ANKS1B: variants seen among roughly 807,000 people sequenced by gnomAD.
The protein encoded by ANKS1B is ankyrin repeat and sterile alpha motif domain containing 1B, also known as ankyrin repeat and sterile alpha motif domain-containing protein 1B.
In ANKS1B, 36 loss-of-function variants were observed where a neutral mutation model predicts 148.3. The ratio of observed to expected loss-of-function variants is 0.24; its 90% CI spans 0.19 to 0.32. The LOEUF is 0.32. ANKS1B is among the 10% of genes least tolerant of loss of function. ANKS1B has a pLI of 1.00. For synonymous variants in ANKS1B, 542 were observed against 560.8 expected (o/e 0.97, Z 0.47); for missense variants, 1,157 against 1,542.6 (o/e 0.75, Z 4.19).
chr12:98,848,743 G>GGTTTTTTT (rs2099500216), intron 17 of ANKS1B, among the ~76,000 whole-genome samples: 1 of 48,090 alleles, frequency 2.1e-5, no homozygotes, highest in Non-Finnish European at 3.5e-5. Context: ...TGTATGTGTG[G>GGTTTTTTT]TTTTTTTTTT....
At chr12:99,790,869 CA>C (rs1201438145) in intron 4 of ANKS1B, among the ~76,000 whole-genome samples, 1 of 150,972 alleles carries the variant, frequency 6.6e-6, no homozygotes, top group Non-Finnish European at 1.5e-5. Flanking sequence ...AGCAGACCGC[CA>C]AAAAAAGAGA....
chr12:99,511,730 A>T (rs2096768071), intron 9 of ANKS1B, among the ~76,000 whole-genome samples: 1 of 152,042 alleles, frequency 6.6e-6, no homozygotes, highest in Admixed American at 6.6e-5. Flanking sequence ...GACCAATGGA[A>T]CAGAATAGAG....
intron 12 of ANKS1B, among the ~76,000 whole-genome samples, chr12:99,362,282 A>G (rs2092524533): frequency 1.3e-5 from 2 of 152,056 alleles, no homozygotes; most frequent in Admixed American, 1.3e-4. Context: ...ATTTCCTGTC[A>G]GTCTGCTGAG....
At chr12:99,246,203 G>T in intron 13 of ANKS1B, 72 bp downstream of exon 13, 4 of 1,223,524 alleles carry the variant, frequency 3.3e-6, no homozygotes, top group Non-Finnish European at 4.4e-6. Flanking sequence ...CTAAAAAGCT[G>T]AAAATCCTTC....
intron 9 of ANKS1B, among the ~76,000 whole-genome samples, chr12:99,613,094 T>C (rs1169807962): frequency 3.3e-5 from 5 of 152,104 alleles, no homozygotes; most frequent in African/African-American, 1.2e-4. Context: ...CAATCTTTCC[T>C]AAGTAAAGTT....
downstream of ANKS1B, chr12:98,743,841 C>G: frequency 3.8e-6 from 1 of 261,246 alleles, no homozygotes; most frequent in Non-Finnish European, 5.9e-6. Context: ...GAACTTGGAA[C>G]TGTGCAACTT....
chr12:99,253,735 T>A (rs899230240), intron 12 of ANKS1B, among the ~76,000 whole-genome samples: 2 of 152,146 alleles, frequency 1.3e-5, no homozygotes, highest in African/African-American at 4.8e-5. Context: ...TACTTATTAA[T>A]TAGAAAGAGG....
chr12:99,469,461 A>T (rs1438076631), intron 10 of ANKS1B, among the ~76,000 whole-genome samples: 1 of 152,126 alleles, frequency 6.6e-6, no homozygotes, highest in African/African-American at 2.4e-5. Context: ...TTTAAAAAAA[A>T]ATTCAAATGT....
At chr12:99,715,637 G>A (rs1157243419) in intron 8 of ANKS1B, among the ~76,000 whole-genome samples, 1 of 152,090 alleles carries the variant, frequency 6.6e-6, no homozygotes, top group Non-Finnish European at 1.5e-5. Flanking sequence ...GATCCCTTGG[G>A]AGATCAATCC....
intron 15 of ANKS1B, among the ~76,000 whole-genome samples, chr12:99,151,029 C>A (rs1258947191): frequency 2.6e-5 from 4 of 152,096 alleles, no homozygotes; most frequent in Admixed American, 6.6e-5. Flanking sequence ...GTACAAATTT[C>A]TATTTATTTT....
intron 1 of ANKS1B, among the ~76,000 whole-genome samples, chr12:99,907,754 C>T (rs989980168): frequency 4.1e-5 from 6 of 144,746 alleles, no homozygotes; most frequent in Non-Finnish European, 8.9e-5. Flanking sequence ...TAAAGCATTC[C>T]TTTTTGCTTT....
chr12:99,470,198 CA>C (rs1192050922), intron 10 of ANKS1B, among the ~76,000 whole-genome samples: 1 of 151,862 alleles, frequency 6.6e-6, no homozygotes, highest in Non-Finnish European at 1.5e-5. Context: ...GACATGCACT[CA>C]TTATCCACAT....
chr12:99,777,402 T>C (rs2063757640), intron 6 of ANKS1B, among the ~76,000 whole-genome samples: 1 of 151,722 alleles, frequency 6.6e-6, no homozygotes, highest in Non-Finnish European at 1.5e-5. Flanking sequence ...CTTGACCATT[T>C]AGGAGAGCAA....
chr12:99,070,718 G>C (rs1176992482), intron 16 of ANKS1B, among the ~76,000 whole-genome samples: 4 of 152,162 alleles, frequency 2.6e-5, no homozygotes, highest in African/African-American at 9.7e-5. Flanking sequence ...TCATTCTGCT[G>C]TCCAGACTGG....
intron 9 of ANKS1B, among the ~76,000 whole-genome samples, chr12:99,618,993 T>A (rs1230104573): frequency 6.6e-6 from 1 of 152,078 alleles, no homozygotes; most frequent in East Asian, 1.9e-4. Flanking sequence ...GGAGAGCTGC[T>A]ACAGCTGCAG....
At chr12:99,462,444 G>T (rs2095996062) in intron 10 of ANKS1B, among the ~76,000 whole-genome samples, 1 of 152,188 alleles carries the variant, frequency 6.6e-6, no homozygotes, top group African/African-American at 2.4e-5. Flanking sequence ...CTCTCCAGCT[G>T]CCATTTCTGG....
chr12:99,655,663 T>C (rs1011075402), intron 8 of ANKS1B, among the ~76,000 whole-genome samples: 1 of 152,184 alleles, frequency 6.6e-6, no homozygotes, highest in African/African-American at 2.4e-5. Flanking sequence ...TTTCATATCA[T>C]ACATATAACA....
At chr12:99,900,857 T>C (rs1358839945) in intron 1 of ANKS1B, among the ~76,000 whole-genome samples, 1 of 152,230 alleles carries the variant, frequency 6.6e-6, no homozygotes, top group African/African-American at 2.4e-5. Context: ...ACGTATGCAA[T>C]GCATGAGCAA....
At chr12:99,268,621 A>G (rs1288902750) in intron 12 of ANKS1B, among the ~76,000 whole-genome samples, 2 of 152,236 alleles carry the variant, frequency 1.3e-5, no homozygotes, top group Non-Finnish European at 2.9e-5. Context: ...TAATGGGCAT[A>G]AAATGACCCC....
Sources: gnomAD v4.1 joint callset for allele counts (sites outside exome capture counted in the v4.1 genomes callset) on GRCh38, gnomAD v4.1.1 for gene constraint, MANE v1.5 for transcripts, NCBI Gene and HGNC (gene_info 2026-07-23, HGNC 2026-07-21) for gene names.